The following USP9Y variants were observed in gnomAD, a reference collection of about 807,000 sequenced individuals.
The protein encoded by USP9Y is ubiquitin specific peptidase 9 Y-linked, also known as ubiquitin carboxyl-terminal hydrolase 9Y.
A neutral mutation model predicts 53.1 loss-of-function variants in USP9Y; 41 were observed. The observed-to-expected ratio is 0.77, with a 90% CI of 0.60 to 1.00. The LOEUF is 1.00. Ranked by LOEUF, USP9Y falls within the 50% of genes least tolerant of loss-of-function variation. The probability of loss-of-function intolerance (pLI) is 0.00; values close to 1 mark genes in which losing one functional copy is unlikely to be tolerated. For missense variants in USP9Y, 567 were observed against 535.8 expected, an observed-to-expected ratio of 1.06 and a Z score of -0.58; for synonymous variants, 220 against 173.7, an observed-to-expected ratio of 1.27 and a Z score of -2.09.
chrY:12,785,284 C>T, intron 22 of USP9Y, among the ~76,000 whole-genome samples: 1 of 33,213 alleles, frequency 3.0e-5, no homozygotes, highest in African/African-American at 1.2e-4. Flanking sequence ...CAGCTTGTTT[C>T]GCTCAGTAAT....
chrY:12,786,517 T>C lies in USP9Y; in HGVS notation c.3283-5T>C, dbSNP rs78895475. 8.2e-6 allele frequency: 3 copies of C among 366,986 alleles called. No homozygotes were observed. The highest frequency in any genetic ancestry group is 1.0e-4 in the East Asian group (1 of 9,955). The allele number at this position is 366,986 out of a possible 400,897, so 91.5% of individuals were successfully genotyped here. ...TATACTCTCCTTTTTTTTTTTTTTT[T>C]CCAGGTAGTTTATGCCTTGTTAATG... On this transcript the variant is annotated splice_region_variant and splice_polypyrimidine_tract_variant and intron_variant, in intron 23 of 45. Transcript: ENST00000338981.
At chrY:12,801,716 C>T in intron 27 of USP9Y, among the ~76,000 whole-genome samples, 1 of 33,914 alleles carries the variant, frequency 2.9e-5, no homozygotes, top group Non-Finnish European at 7.3e-5. Context: ...CACCAGTATG[C>T]TTTTATATTT....
At chrY:12,747,506 T>C (rs1045298587) in intron 12 of USP9Y, among the ~76,000 whole-genome samples, 3 of 34,030 alleles carry the variant, frequency 8.8e-5, no homozygotes, top group Admixed American at 2.6e-4. Context: ...AAACAAGATC[T>C]ATGAAAAGAA....
chrY:12,710,720 C>A, intron 3 of USP9Y, among the ~76,000 whole-genome samples: 2 of 33,460 alleles, frequency 6.0e-5, no homozygotes, highest in African/African-American at 1.2e-4. Flanking sequence ...GAATTTACCA[C>A]TGAGCCTTTC....
chrY:12,707,408 C>T, intron 1 of USP9Y, among the ~76,000 whole-genome samples: 1 of 33,953 alleles, frequency 2.9e-5, no homozygotes, highest in African/African-American at 1.2e-4. Flanking sequence ...TGAGCCACCA[C>T]GCCTGGCCCA....
intron 1 of USP9Y, among the ~76,000 whole-genome samples, chrY:12,703,368 A>T (rs752104851): frequency 1.2e-4 from 4 of 32,963 alleles, no homozygotes; most frequent in Admixed American, 2.7e-4. Flanking sequence ...GCTCTTAAAG[A>T]TGGTGTTCGG....
Position 12,778,271 on chromosome Y carries a change from C to A in USP9Y, c.2880+12C>A. 5 of 361,002 alleles carry A rather than the reference C, an allele frequency of 1.4e-5. No individual in the cohort carries two copies. The highest frequency in any genetic ancestry group is 2.0e-5 in the Non-Finnish European group (5 of 254,919). 90.0% of individuals were successfully genotyped at this position (361,002 alleles called of 400,897 possible). ...TAAAAGATAAATCTGTAAGTAAATA[C>A]AGCTTTTAAATAAGTCATGAAACTT... On this transcript the variant is annotated intron_variant, in intron 20 of 45. Coordinates refer to ENST00000338981, the MANE Select transcript of USP9Y (RefSeq NM_004654.4).
At chrY:12,824,528 C>CT (rs1156602312) in intron 33 of USP9Y, among the ~76,000 whole-genome samples, 2 of 32,438 alleles carry the variant, frequency 6.2e-5, no homozygotes, top group Non-Finnish European at 1.5e-4. Context: ...ATTATCTCAA[C>CT]TTTTTTAAAA....
Position 12,843,081 on chromosome Y carries a change from C to A in USP9Y, c.6456C>A (p.Ser2152Arg). ...GPSSQACDNLSLSDHLLRATL... is the reference protein window; with the variant it reads ...GPSSQACDNLRLSDHLLRATL... Reference sequence around the variant, plus strand: ...TTTCACAGGCATGTGATAACTTGAGCTTGAGTGACCACTTACTAAGAGCCA... The same window carrying A: ...TTTCACAGGCATGTGATAACTTGAGATTGAGTGACCACTTACTAAGAGCCA... Residue 2152 changes from serine to arginine, a missense_variant, in exon 39 of 46, where the codon AGC becomes AGA. Ser to Arg is a moderately radical substitution (Grantham distance 110). Coordinates refer to ENST00000338981, the MANE Select transcript of USP9Y (RefSeq NM_004654.4). 2.5e-6 allele frequency: 1 copy of A among 397,395 alleles called. No individual in the cohort carries two copies. Among genetic ancestry groups the A allele is most frequent in the Middle Eastern group, 5.9e-4 (1 of 1,690 alleles).
intron 25 of USP9Y, among the ~76,000 whole-genome samples, 167 bp downstream of exon 25, chrY:12,790,699 CTGA>C (rs2053507170): frequency 3.0e-5 from 1 of 33,179 alleles, no homozygotes; most frequent in Admixed American, 2.8e-4. Context: ...CTGATAGCTG[CTGA>C]TAATATTAAT....
chrY:12,857,643 T>C lies in USP9Y; in HGVS notation c.7512T>C (p.Pro2504=), dbSNP rs1214197663. The C allele has an allele frequency of 2.6e-6, 1 of 382,325 alleles. No homozygotes were observed. The highest frequency in any genetic ancestry group is 9.9e-5 in the East Asian group (1 of 10,142). The change falls in exon 45 of 46, where the codon CCT becomes CCC. Residue 2504 remains proline, a synonymous_variant. Transcript: ENST00000338981. The stretch of plus-strand genomic sequence containing the variant: ...ATGCCCCATTATATCCTCATTCACC[T>C]GCCTCTCAGTATCAACAGGTAAAAA... ...SEDAPLYPHS[P]ASQYQQNNHV...
At chrY:12,798,741 C>T (rs1569390265) in intron 27 of USP9Y, among the ~76,000 whole-genome samples, 5 of 32,893 alleles carry the variant, frequency 1.5e-4, no homozygotes, top group East Asian at 1.6e-3. Flanking sequence ...GGCTGGCAGC[C>T]GATGTGCTGG....
intron 3 of USP9Y, 81 bp downstream of exon 3, chrY:12,709,624 A>G: frequency 4.1e-6 from 1 of 244,256 alleles, no homozygotes; most frequent in South Asian, 3.6e-5. Flanking sequence ...TAAAGTAATC[A>G]TAAAATATGT....
intron 33 of USP9Y, among the ~76,000 whole-genome samples, chrY:12,828,777 AT>A (rs2053548697): frequency 6.0e-5 from 2 of 33,254 alleles, no homozygotes; most frequent in Admixed American, 2.8e-4. Context: ...GGATACATTC[AT>A]TATCTTGACT....
At chrY:12,760,392 A>T in intron 14 of USP9Y, 92 bp from the exon 15 acceptor site, 1 of 326,714 alleles carries the variant, frequency 3.1e-6, no homozygotes, top group Non-Finnish European at 4.4e-6. Flanking sequence ...AAAAATTTTT[A>T]AAGTAGTAGC....
At chrY:12,735,810 C>A in intron 8 of USP9Y, 83 bp downstream of exon 8, 2 of 252,505 alleles carry the variant, frequency 7.9e-6, no homozygotes, top group Non-Finnish European at 6.1e-6. Context: ...TTTTCATATT[C>A]TGTGCATTAT....
intron 34 of USP9Y, 92 bp downstream of exon 34, chrY:12,833,953 A>G: frequency 3.9e-6 from 1 of 253,874 alleles, no homozygotes; most frequent in Non-Finnish European, 6.1e-6. Flanking sequence ...ATAAAAGCAG[A>G]GTGTACCAAA....
chrY:12,780,044 T>G (rs772176985), intron 22 of USP9Y, among the ~76,000 whole-genome samples: 1 of 34,120 alleles, frequency 2.9e-5, no homozygotes, highest in Non-Finnish European at 7.4e-5. Context: ...GTTTTAGACA[T>G]TAAGTATTGA....
chrY:12,748,011 C>T, intron 12 of USP9Y, among the ~76,000 whole-genome samples: 2 of 32,843 alleles, frequency 6.1e-5, no homozygotes, highest in Admixed American at 5.4e-4. Flanking sequence ...AAAAATGAGC[C>T]GGGCATGGTG....
Sources: gnomAD v4.1 joint callset for allele counts (sites outside exome capture counted in the v4.1 genomes callset) on GRCh38, gnomAD v4.1.1 for gene constraint, MANE v1.5 for transcripts, NCBI Gene and HGNC (gene_info 2026-07-23, HGNC 2026-07-21) for gene names.